USP54: variants seen among roughly 807,000 people sequenced by gnomAD.
The protein encoded by USP54 is ubiquitin specific peptidase 54.
Under a neutral mutation model 170.5 loss-of-function variants are expected in USP54, and 87 were observed. That is an observed-to-expected ratio of 0.51 (90% CI 0.43 to 0.61). The LOEUF (loss-of-function observed/expected upper bound fraction) is 0.61. Among genes scored for constraint, USP54 ranks in the 20% least tolerant of loss-of-function variants. The pLI, the probability that USP54 is intolerant of heterozygous loss-of-function variation, is 0.00. For missense variants in USP54, 1,786 were observed against 2,047.8 expected (o/e 0.87, Z 2.47); for synonymous variants, 655 against 742.8 (o/e 0.88, Z 1.92).
In USP54 at chr10:73,532,266, G is replaced by A. The variant is rs186736402; in HGVS notation, c.1316-1431C>T. On this transcript the variant is annotated intron_variant, in intron 12 of 23. Coordinates refer to ENST00000687698, the MANE Select transcript of USP54 (RefSeq NM_001391956.1). Reference sequence around the variant, plus strand: ...CAACTCACTGCAAGCTCCGCCTTCCGGGTTCACGCCATTCTCCTGCCTCAG... The same window carrying A: ...CAACTCACTGCAAGCTCCGCCTTCCAGGTTCACGCCATTCTCCTGCCTCAG... Among the ~76,000 whole-genome samples, 307 of 151,984 alleles carry A rather than the reference G, an allele frequency of 2.0e-3. 1 individual carries two copies. The highest frequency in any genetic ancestry group is 5.9e-3 in the African/African-American group (243 of 41,456).
chr10:73,534,460 C>T (rs1421109723), intron 12 of USP54, 140 bp downstream of exon 12: 21 of 866,414 alleles, frequency 2.4e-5, no homozygotes, highest in Middle Eastern at 6.1e-4. Context: ...GATCCACCCA[C>T]CTTGGCCGCC....
chr10:73,565,624 C>A (rs565822746), intron 4 of USP54, among the ~76,000 whole-genome samples: 60 of 152,296 alleles, frequency 3.9e-4, no homozygotes, highest in African/African-American at 1.4e-3. Context: ...AATTTCAGAA[C>A]TGTCTTTTCT....
intron 1 of USP54, among the ~76,000 whole-genome samples, chr10:73,581,484 C>T (rs963183146): frequency 6.6e-6 from 1 of 152,204 alleles, no homozygotes; most frequent in Non-Finnish European, 1.5e-5. Context: ...GAAACTTAAG[C>T]TTCAGGACTC....
At chr10:73,536,578 T>C in intron 10 of USP54, 141 bp from the exon 11 acceptor site, 1 of 960,534 alleles carries the variant, frequency 1.0e-6, no homozygotes, top group Non-Finnish European at 1.4e-6. Flanking sequence ...AAAAAAGATC[T>C]CAGACCTAAC....
Position 73,545,612 on chromosome 10 carries a change from T to C in USP54, c.301A>G (p.Ser101Gly). 1 of 1,614,224 alleles carries C rather than the reference T, an allele frequency of 6.2e-7. No individual in the cohort carries two copies. The highest frequency in any genetic ancestry group is 8.5e-7 in the Non-Finnish European group (1 of 1,180,042). Reference protein sequence around the residue: ...EKVLPSDTLRSALAKTFQDEQ... With the variant: ...EKVLPSDTLRGALAKTFQDEQ... ...TCCTGGAAAGTCTTTGCCAGAGCAC[T>C]GCGGAGAGTGTCAGATGGAAGCACT... Residue 101 changes from serine (S) to glycine (G), a missense_variant, in exon 5 of 24, where the codon AGT (serine) becomes GGT (glycine). Ser to Gly is a moderately conservative substitution (Grantham distance 56, BLOSUM62 0). Around this residue, in one of 3 missense-constraint regions of USP54, gnomAD observed 361 missense variants for 455.0 expected, o/e 0.79. Coordinates refer to ENST00000687698, the MANE Select transcript of USP54 (RefSeq NM_001391956.1).
intron 1 of USP54, chr10:73,613,952 C>T (rs911709522): frequency 6.6e-6 from 1 of 151,662 alleles, no homozygotes; most frequent in African/African-American, 2.4e-5. Flanking sequence ...CACCTGTAAT[C>T]CTAGCACTTT....
intron 22 of USP54, among the ~76,000 whole-genome samples, chr10:73,503,710 T>G (rs1052041433): frequency 6.6e-6 from 1 of 152,200 alleles, no homozygotes; most frequent in Non-Finnish European, 1.5e-5. Flanking sequence ...AAACTTACTA[T>G]AAATTCGGCT....
At position 73,498,636 on chromosome 10, in the gene USP54, T is replaced by C; in HGVS notation, c.5048A>G (p.Gln1683Arg). The stretch of plus-strand genomic sequence containing the variant: ...AAAGGAAAGGAATAACCTTTACCAT[T>C]GACTGTGCTGCAGGACTCTAGCCCT... ...QIRARVLQHS[Q>R]W Residue 1683 changes from glutamine (Q) to arginine (R), a missense_variant, in exon 24 of 24, where the codon CAA (glutamine) becomes CGA (arginine). Transcript: ENST00000687698. 5 of 1,532,976 alleles carry C rather than the reference T, an allele frequency of 3.3e-6. No homozygotes were observed. The highest frequency in any genetic ancestry group is 4.4e-6 in the Non-Finnish European group (5 of 1,140,198). 95.0% of individuals were successfully genotyped at this position (1,532,976 alleles called of 1,614,324 possible).
Position 73,613,085 on chromosome 10 carries a change from A to C in USP54, c.-18+12482T>G, listed in dbSNP as rs1375105067. 2.7e-5 allele frequency among the ~76,000 whole-genome samples: 4 copies of C among 147,962 alleles called. No homozygotes were observed. In the East Asian group the frequency reaches 8.0e-4, roughly 29 times the overall value. On this transcript the variant is annotated intron_variant, in intron 1 of 22. Coordinates refer to the USP54 transcript ENST00000339859. ...GGTGGGAGGATTGCTTAAGCCCAGG[A>C]GGTCAAGGCTGTAGTGAGTGGTGAC...
chr10:73,601,903 C>T (rs1314028969), intron 1 of USP54, among the ~76,000 whole-genome samples: 9 of 152,178 alleles, frequency 5.9e-5, no homozygotes, highest in Admixed American at 3.9e-4. Context: ...TCAGCTACAA[C>T]GGAGGTCAAG....
At chr10:73,533,553 A>T (rs116576075) in intron 12 of USP54, among the ~76,000 whole-genome samples, 6,233 of 140,968 alleles carry the variant, frequency 0.044, 360 homozygotes, top group African/African-American at 0.14. Context: ...CTTGATATTT[A>T]AAAAAAAAAA....
intron 4 of USP54, among the ~76,000 whole-genome samples, chr10:73,561,170 C>T (rs1456093580): frequency 1.5e-5 from 2 of 132,554 alleles, no homozygotes; most frequent in Non-Finnish European, 3.2e-5. Context: ...ACCCAGAAAA[C>T]ACAGAAAAGT....
At chr10:73,582,631 T>C (rs1280797468) in intron 1 of USP54, among the ~76,000 whole-genome samples, 1 of 152,192 alleles carries the variant, frequency 6.6e-6, no homozygotes, top group Non-Finnish European at 1.5e-5. Flanking sequence ...CCTCAAGTGA[T>C]CCACCCACCT....
intron 1 of USP54, among the ~76,000 whole-genome samples, chr10:73,616,432 A>G (rs1254275599): frequency 6.7e-6 from 1 of 149,422 alleles, no homozygotes; most frequent in Non-Finnish European, 1.5e-5. Flanking sequence ...GTTTTCACTT[A>G]TAAGTGGCAG....
Position 73,616,335 on chromosome 10 carries a change from C to CAAAAA in USP54, c.-18+9227_-18+9231dup, listed in dbSNP as rs60197778. ...CCTAGGCGACAGCAAGACTCCATCT[C>CAAAAA]AAAAAAAAAAAAAAAAAAAAAAAAA... On this transcript the variant is annotated intron_variant, in intron 1 of 22. Transcript: ENST00000339859. 2.6e-3 allele frequency among the ~76,000 whole-genome samples: 67 copies of CAAAAA among 25,770 alleles called. 8 individuals are homozygous for CAAAAA. The highest frequency in any genetic ancestry group is 0.011 in the African/African-American group (63 of 5,628). 16.9% of individuals were successfully genotyped at this position (25,770 alleles called of 152,430 possible).
At position 73,499,138 on chromosome 10, in the gene USP54, T is replaced by C. The variant is rs778794625; in HGVS notation, c.4546A>G (p.Thr1516Ala). The change falls in exon 24 of 24, where the codon ACT (threonine) becomes GCT (alanine). Residue 1516 changes from threonine (T) to alanine (A), a missense_variant. Coordinates refer to ENST00000687698, the MANE Select transcript of USP54 (RefSeq NM_001391956.1). ...CCTGTGTACTTGGCCCCTTGGGAAG[T>C]TTCACCCCTGTCACACATAGCCAGA... is the stretch of plus-strand genomic sequence containing the variant. The part of the protein sequence containing the change: ...QFLAMCDRGE[T>A]SQGAKYTGRT... 1.2e-6 allele frequency: 2 copies of C among 1,613,634 alleles called. No homozygotes were observed. The highest frequency in any genetic ancestry group is 1.7e-6 in the Non-Finnish European group (2 of 1,179,812).
chr10:73,518,179 C>A, intron 19 of USP54: 1 of 985,360 alleles, frequency 1.0e-6, no homozygotes, highest in Non-Finnish European at 1.2e-6. Flanking sequence ...TACAGGGAGG[C>A]AAGTCCTACC....
Position 73,517,348 on chromosome 10 carries a change from G to C in USP54, c.3078C>G (p.Phe1026Leu), listed in dbSNP as rs781347832. The C allele has an allele frequency of 3.7e-6, 6 of 1,612,286 alleles. No individual in the cohort carries two copies. The highest frequency in any genetic ancestry group is 4.2e-6 in the Non-Finnish European group (5 of 1,179,130). ...GGTTAGCAGGATCCTTCTTTTCTTG[G>C]AACAGCTGTTCTTGAGCAATGCCTC... ...EGRGIAQEQL[F>L]QEKKDPANPS... The change falls in exon 20 of 24, where the codon TTC (phenylalanine) becomes TTG (leucine). Residue 1026 changes from phenylalanine (F) to leucine (L), a missense_variant. Physicochemically the swap from Phe to Leu is conservative, Grantham distance 22 (BLOSUM62 0). Coordinates refer to ENST00000687698, the MANE Select transcript of USP54 (RefSeq NM_001391956.1).
intron 1 of USP54, among the ~76,000 whole-genome samples, chr10:73,604,509 AT>A (rs1405463796): frequency 6.6e-6 from 1 of 151,478 alleles, no homozygotes; most frequent in Non-Finnish European, 1.5e-5. Context: ...TAATCCCAGT[AT>A]TTTGGGAGGC....
Sources: gnomAD v4.1 joint callset for allele counts (sites outside exome capture counted in the v4.1 genomes callset) on GRCh38, gnomAD v4.1.1 for gene constraint, gnomAD v4.1.1 regional missense constraint, MANE v1.5 for transcripts, NCBI Gene and HGNC (gene_info 2026-07-23, HGNC 2026-07-21) for gene names.